CXCL13: variants seen among roughly 807,000 people sequenced by gnomAD.
CXCL13 encodes C-X-C motif chemokine ligand 13, also known as C-X-C motif chemokine 13.
In CXCL13, 7 loss-of-function variants were observed where a neutral mutation model predicts 12.2. The ratio of observed to expected loss-of-function variants is 0.57; its 90% confidence interval spans 0.33 to 1.07. CXCL13 has a LOEUF of 1.07. Among genes scored for constraint, CXCL13 ranks in the 50% least tolerant of loss-of-function variants. CXCL13 has a pLI of 0.04. For synonymous variants in CXCL13, 47 were observed against 42.4 expected (o/e 1.11, Z -0.42); for missense variants, 113 against 127.4 (o/e 0.89, Z 0.55).
In CXCL13 at chr4:77,608,127, C is replaced by A. The variant is rs138685449; in HGVS notation, c.197+292C>A. ...GAAGGTTAACTAACTGCCTGAGACACACCATCAGAAAGGATTAGAAAGTGC... is the reference window on the plus strand; with the variant it reads ...GAAGGTTAACTAACTGCCTGAGACAAACCATCAGAAAGGATTAGAAAGTGC... On this transcript the variant is annotated intron_variant, in intron 2 of 3. Coordinates refer to ENST00000682537, the MANE Select transcript of CXCL13 (RefSeq NM_001371558.1). Among the ~76,000 whole-genome samples, 696 of 152,266 alleles carry A rather than the reference C, an allele frequency of 4.6e-3. 2 individuals carry two copies. The highest frequency in any genetic ancestry group is 4.9e-3 in the Non-Finnish European group (331 of 68,032).
intron 1 of CXCL13, among the ~76,000 whole-genome samples, chr4:77,517,585 C>A (rs1007477383): frequency 3.3e-5 from 5 of 152,122 alleles, no homozygotes; most frequent in South Asian, 2.1e-4. Flanking sequence ...CTCTTTTGAT[C>A]TTTGTTGGTT....
At chr4:77,582,308 A>G (rs544637441) in intron 1 of CXCL13, among the ~76,000 whole-genome samples, 2 of 152,318 alleles carry the variant, frequency 1.3e-5, no homozygotes, top group African/African-American at 4.8e-5. Context: ...TTGGATGAAT[A>G]TATAATTACT....
At chr4:77,583,296 G>A (rs1041969196) in intron 1 of CXCL13, among the ~76,000 whole-genome samples, 3 of 152,174 alleles carry the variant, frequency 2.0e-5, no homozygotes, top group Non-Finnish European at 4.4e-5. Flanking sequence ...TATAGCCAAG[G>A]TATGCAGCTT....
chr4:77,535,994 T>C (rs1427395974), intron 1 of CXCL13, among the ~76,000 whole-genome samples: 3 of 152,194 alleles, frequency 2.0e-5, no homozygotes, highest in Non-Finnish European at 4.4e-5. Context: ...TGAGCAGTAA[T>C]AGATAACTAT....
At chr4:77,595,098 A>AT (rs58429511) in intron 1 of CXCL13, among the ~76,000 whole-genome samples, 2,796 of 141,406 alleles carry the variant, frequency 0.02, 87 homozygotes, top group African/African-American at 0.067. Context: ...GTTTTAGGTG[A>AT]TTTTTTTTTT....
chr4:77,575,095 A>G (rs896629826), intron 1 of CXCL13, among the ~76,000 whole-genome samples: 1 of 151,970 alleles, frequency 6.6e-6, no homozygotes, highest in African/African-American at 2.4e-5. Flanking sequence ...AGGTTATTGT[A>G]TAGTTTTCCT....
At chr4:77,578,666 TTTC>T (rs1303357820) in intron 1 of CXCL13, among the ~76,000 whole-genome samples, 1 of 152,098 alleles carries the variant, frequency 6.6e-6, no homozygotes, top group African/African-American at 2.4e-5. Context: ...ACTGAGAGTT[TTTC>T]TTTTTTCTTT....
intron 1 of CXCL13, among the ~76,000 whole-genome samples, chr4:77,551,288 T>C (rs566535313): frequency 6.6e-6 from 1 of 152,230 alleles, no homozygotes; most frequent in Non-Finnish European, 1.5e-5. Flanking sequence ...TAAAATTCCT[T>C]TGAGGCTCTC....
At chr4:77,555,834 G>A (rs970380097) in intron 1 of CXCL13, among the ~76,000 whole-genome samples, 1 of 152,102 alleles carries the variant, frequency 6.6e-6, no homozygotes, top group African/African-American at 2.4e-5. Context: ...ATTTTAAAAA[G>A]ATGAGAATGA....
At chr4:77,517,571 T>A (rs1724459237) in intron 1 of CXCL13, among the ~76,000 whole-genome samples, 1 of 152,238 alleles carries the variant, frequency 6.6e-6, no homozygotes, top group South Asian at 2.1e-4. Context: ...ATGGCCTTCT[T>A]TGTCTCTTTT....
At chr4:77,609,996 G>C (rs1727106706) in intron 2 of CXCL13, among the ~76,000 whole-genome samples, 1 of 152,214 alleles carries the variant, frequency 6.6e-6, no homozygotes, top group Non-Finnish European at 1.5e-5. Flanking sequence ...GCTAAGCATA[G>C]TGCCTGGTGT....
chr4:77,597,822 C>T (rs538128277), intron 1 of CXCL13, among the ~76,000 whole-genome samples: 1 of 152,270 alleles, frequency 6.6e-6, no homozygotes, highest in Non-Finnish European at 1.5e-5. Flanking sequence ...ACAGGGACTA[C>T]CAAGAGGCAC....
At chr4:77,607,090 C>G (rs1265854456) in intron 1 of CXCL13, among the ~76,000 whole-genome samples, 1 of 152,176 alleles carries the variant, frequency 6.6e-6, no homozygotes, top group Non-Finnish European at 1.5e-5. Context: ...GGCAGAGAGT[C>G]TGATAGAGAA....
chr4:77,540,615 G>T (rs543371630), intron 1 of CXCL13, among the ~76,000 whole-genome samples: 1 of 152,156 alleles, frequency 6.6e-6, no homozygotes, highest in East Asian at 1.9e-4. Context: ...TCTTTTTATG[G>T]CTGTGTAGTA....
chr4:77,583,018 G>A (rs561138122), intron 1 of CXCL13, among the ~76,000 whole-genome samples: 1 of 152,216 alleles, frequency 6.6e-6, no homozygotes, highest in Non-Finnish European at 1.5e-5. Flanking sequence ...CTGTTACTGG[G>A]GTTGAAGCTT....
chr4:77,553,392 G>T (rs1265519172), intron 1 of CXCL13, among the ~76,000 whole-genome samples: 1 of 152,218 alleles, frequency 6.6e-6, no homozygotes, highest in Non-Finnish European at 1.5e-5. Flanking sequence ...TATGTGCCTG[G>T]GTTAAAAATG....
intron 1 of CXCL13, among the ~76,000 whole-genome samples, chr4:77,534,750 C>G (rs1183097698): frequency 2.0e-5 from 3 of 152,230 alleles, no homozygotes; most frequent in Admixed American, 1.3e-4. Context: ...GCCACTTAAT[C>G]TCTCATCTCC....
At chr4:77,552,546 A>G (rs1450937140) in intron 1 of CXCL13, among the ~76,000 whole-genome samples, 1 of 152,222 alleles carries the variant, frequency 6.6e-6, no homozygotes, top group Non-Finnish European at 1.5e-5. Context: ...TGGGGTTCAC[A>G]GTGGTCTGAG....
intron 1 of CXCL13, among the ~76,000 whole-genome samples, chr4:77,543,318 G>T (rs1725252697): frequency 6.6e-6 from 1 of 151,838 alleles, no homozygotes; most frequent in Non-Finnish European, 1.5e-5. Context: ...ACTGCTTTTG[G>T]TTTCATTGAT....
Sources: gnomAD v4.1 joint callset for allele counts (sites outside exome capture counted in the v4.1 genomes callset) on GRCh38, gnomAD v4.1.1 for gene constraint, MANE v1.5 for transcripts, NCBI Gene and HGNC (gene_info 2026-07-23, HGNC 2026-07-21) for gene names.